Variants in MYDGF observed in about 807,000 individuals in gnomAD.
The protein encoded by MYDGF is myeloid derived growth factor.
MYDGF carries 29 observed loss-of-function variants against 24.2 expected under a neutral mutation model. That is an observed-to-expected ratio of 1.20 (90% confidence interval 0.89 to 1.63). The LOEUF (loss-of-function observed/expected upper bound fraction) is 1.63. Among genes scored for constraint, MYDGF ranks in the 40% most tolerant of loss-of-function variants. The probability of loss-of-function intolerance (pLI) is 0.00; values close to 1 mark genes in which losing one functional copy is unlikely to be tolerated. For missense variants in MYDGF, 245 were observed against 234.8 expected, an observed-to-expected ratio of 1.04 and a Z score of -0.29; for synonymous variants, 105 against 102.5, an observed-to-expected ratio of 1.02 and a Z score of -0.15.
intron 2 of MYDGF, among the ~76,000 whole-genome samples, chr19:4,665,983 T>C (rs1324188665): frequency 6.6e-6 from 1 of 151,868 alleles, no homozygotes; most frequent in Non-Finnish European, 1.5e-5. Context: ...AAACCAAGAC[T>C]ATTCCAGGTT....
rs2088457201 is a variant in MYDGF at position 4,659,940 on chromosome 19, T to G, written c.433A>C (p.Lys145Gln). The G allele has an allele frequency of 1.2e-6, 2 of 1,614,048 alleles. No individual in the cohort carries two copies. Among genetic ancestry groups the G allele is most frequent in the Non-Finnish European group, 1.7e-6 (2 of 1,179,952 alleles). The stretch of plus-strand genomic sequence containing the variant: ...CCCCATCTTTCCGTACCTGCTGTTT[T>G]GGTCACTTCAAATTCCTCAGTTTTC... ...PLKTEEFEVTKTAVAHRPGAF... is the reference protein window; with the variant it reads ...PLKTEEFEVTQTAVAHRPGAF... Residue 145 changes from lysine to glutamine, a missense_variant, in exon 5 of 6, where the codon AAA (lysine) becomes CAA (glutamine). By Grantham distance (53) the Lys-to-Gln change is moderately conservative (BLOSUM62 1). Transcript: ENST00000262947.
chr19:4,665,662 A>C (rs1431018777), intron 2 of MYDGF, among the ~76,000 whole-genome samples: 2 of 151,928 alleles, frequency 1.3e-5, no homozygotes, highest in African/African-American at 2.4e-5. Flanking sequence ...TCTACTAAAA[A>C]TACAAAAAAT....
intron 1 of MYDGF, 168 bp from the exon 2 acceptor site, chr19:4,668,813 C>T: frequency 1.8e-6 from 1 of 553,656 alleles, no homozygotes; most frequent in Non-Finnish European, 3.3e-6. Context: ...TCTCAAGTAA[C>T]TGAGACAATA....
At chr19:4,662,360 G>A (rs976796527) in intron 3 of MYDGF, among the ~76,000 whole-genome samples, 15 of 152,330 alleles carry the variant, frequency 9.8e-5, no homozygotes, top group Admixed American at 4.6e-4. Flanking sequence ...TGTTTGGGCT[G>A]AGACATTCTG....
intron 2 of MYDGF, among the ~76,000 whole-genome samples, chr19:4,665,448 TCC>T (rs1463826252): frequency 6.6e-6 from 1 of 152,120 alleles, no homozygotes; most frequent in South Asian, 2.1e-4. Context: ...CAAGCAATCC[TCC>T]CACCTTGGCC....
At position 4,670,309 on chromosome 19, in the gene MYDGF, TTCCAC is replaced by T; in HGVS notation, c.21_25del (p.Trp8ArgfsTer32). The T allele has an allele frequency of 6.7e-7, 1 of 1,487,926 alleles. No individual in the cohort carries two copies. The highest frequency in any genetic ancestry group is 8.9e-7 in the Non-Finnish European group (1 of 1,118,602). The allele number at this position is 1,487,926 out of a possible 1,614,324, so 92.2% of individuals were successfully genotyped here. A position where few individuals can be genotyped will look rare whatever the true frequency, so the allele number is the denominator to read the frequency against. On this transcript the variant is annotated frameshift_variant, in exon 1 of 6. Coordinates refer to ENST00000262947, the MANE Select transcript of MYDGF (RefSeq NM_019107.4). LOFTEE classifies it high-confidence loss of function. ...GGCCCACAAGCTCGCGCCGACGCCGTTCCACCCTCCGCTGGGCGCCGCCATGTTGG... is the reference window on the plus strand; with the variant it reads ...GGCCCACAAGCTCGCGCCGACGCCGTCCTCCGCTGGGCGCCGCCATGTTGG...
intron 2 of MYDGF, among the ~76,000 whole-genome samples, chr19:4,667,714 CTTT>C (rs60551607): frequency 6.8e-6 from 1 of 146,726 alleles, no homozygotes; most frequent in African/African-American, 2.5e-5. Context: ...AGCCCAGAGA[CTTT>C]TTTTTTTTTT....
At chr19:4,664,787 G>T in intron 3 of MYDGF, 89 bp downstream of exon 3, 1 of 1,431,232 alleles carries the variant, frequency 7.0e-7, no homozygotes, top group Non-Finnish European at 9.6e-7. Context: ...CAGGGGTGCA[G>T]CCCTCGTTCC....
At position 4,657,881 on chromosome 19, in the gene MYDGF, C is replaced by T; in HGVS notation, c.*124G>A. On this transcript the variant is annotated 3_prime_UTR_variant, in exon 6 of 6. Transcript: ENST00000262947. ...CAAGCCCCTCCGGACAAGGCAACGT[C>T]AGCCCAGGTAGAAAACTTAAGAGTC... 1 of 903,976 alleles carries T rather than the reference C, an allele frequency of 1.1e-6. No individual in the cohort carries two copies. The highest frequency in any genetic ancestry group is 1.6e-6 in the Non-Finnish European group (1 of 609,598). The allele number at this position is 903,976 out of a possible 1,614,324, so 56.0% of individuals were successfully genotyped here.
chr19:4,666,119 A>G (rs1367060629), intron 2 of MYDGF, among the ~76,000 whole-genome samples: 1 of 151,420 alleles, frequency 6.6e-6, no homozygotes, highest in Non-Finnish European at 1.5e-5. Context: ...AGAGTTCGAG[A>G]CCAGCCTGGG....
chr19:4,662,259 C>T (rs1323924141), intron 3 of MYDGF, among the ~76,000 whole-genome samples: 1 of 152,238 alleles, frequency 6.6e-6, no homozygotes, highest in Non-Finnish European at 1.5e-5. Context: ...CATTTGTCAA[C>T]GTGCTTTAAC....
At chr19:4,668,739 G>A in intron 1 of MYDGF, 94 bp from the exon 2 acceptor site, 1 of 1,069,662 alleles carries the variant, frequency 9.3e-7, no homozygotes, top group South Asian at 1.3e-5. Flanking sequence ...TGGAGTGCAG[G>A]GGCACAATGA....
intron 2 of MYDGF, among the ~76,000 whole-genome samples, chr19:4,667,380 G>A (rs1209643529): frequency 6.6e-6 from 1 of 151,826 alleles, no homozygotes; most frequent in African/African-American, 2.4e-5. Context: ...CACCCGCCTC[G>A]GCCTCCCAAA....
intron 3 of MYDGF, among the ~76,000 whole-genome samples, chr19:4,662,694 A>C (rs2088480247): frequency 6.6e-6 from 1 of 152,092 alleles, no homozygotes; most frequent in South Asian, 2.1e-4. Context: ...CACCCCAAGA[A>C]GGCTATGAGC....
Position 4,666,000 on chromosome 19 carries a change from G to A in MYDGF, c.226-1063C>T, listed in dbSNP as rs1032996586. Among the ~76,000 whole-genome samples, 3 of 151,650 alleles carry A rather than the reference G, an allele frequency of 2.0e-5. No individual in the cohort carries two copies. In the South Asian group the frequency reaches 6.2e-4, roughly 32 times the overall value. The stretch of plus-strand genomic sequence containing the variant: ...ACCAAGACTATTCCAGGTTGTCGGT[G>A]GAGCTGCAACAGGTACAAGCAAAAT... On this transcript the variant is annotated intron_variant, in intron 2 of 5. Coordinates refer to ENST00000262947, the MANE Select transcript of MYDGF (RefSeq NM_019107.4).
chr19:4,666,108 A>G (rs2088519583), intron 2 of MYDGF, among the ~76,000 whole-genome samples: 1 of 151,706 alleles, frequency 6.6e-6, no homozygotes, highest in South Asian at 2.1e-4. Context: ...ACTTGAACCC[A>G]AGAGTTCGAG....
Position 4,658,085 on chromosome 19 carries a change from C to G in MYDGF, c.443-1G>C. ...TTGAATGCCCCGGGCCTGTGAGCCA[C>G]TGCAAGAAAGAAACACATGGTTGGG... is the stretch of plus-strand genomic sequence containing the variant. On this transcript the variant is annotated splice_acceptor_variant, in intron 5 of 5. Coordinates refer to ENST00000262947, the MANE Select transcript of MYDGF (RefSeq NM_019107.4). LOFTEE classifies it high-confidence loss of function. 1 of 1,609,074 alleles carries G rather than the reference C, an allele frequency of 6.2e-7. No homozygotes were observed. Among genetic ancestry groups the G allele is most frequent in the Non-Finnish European group, 8.5e-7 (1 of 1,178,134 alleles).
At chr19:4,658,154 G>T in intron 5 of MYDGF, 70 bp from the exon 6 acceptor site, 1 of 1,411,550 alleles carries the variant, frequency 7.1e-7, no homozygotes, top group East Asian at 2.4e-5. Context: ...GATTTGGGGT[G>T]GGGCCCATGG....
intron 3 of MYDGF, 104 bp downstream of exon 3, chr19:4,664,772 C>G (rs1051531534): frequency 7.6e-5 from 99 of 1,299,332 alleles, no homozygotes; most frequent in Non-Finnish European, 1.0e-4. Flanking sequence ...GTCTGTCTTC[C>G]CCTCCAGGGG....
Sources: gnomAD v4.1 joint callset for allele counts (sites outside exome capture counted in the v4.1 genomes callset) on GRCh38, gnomAD v4.1.1 for gene constraint, MANE v1.5 for transcripts, NCBI Gene and HGNC (gene_info 2026-07-23, HGNC 2026-07-21) for gene names.